UTP20: variants seen among roughly 807,000 people sequenced by gnomAD.
UTP20 encodes the protein small subunit processome component 20 homolog.
Under a neutral mutation model 329.5 loss-of-function variants are expected in UTP20, and 164 were observed. That is an observed-to-expected ratio of 0.50 (90% CI 0.44 to 0.57). The LOEUF is 0.57. UTP20 is among the 20% of genes least tolerant of loss of function. UTP20 has a pLI of 0.00. For missense variants in UTP20, 3,055 were observed against 3,284.2 expected, an observed-to-expected ratio of 0.93 and a Z score of 1.71; for synonymous variants, 1,151 against 1,159.3, an observed-to-expected ratio of 0.99 and a Z score of 0.14.
At chr12:101,324,438 C>T (rs1868489154) in intron 25 of UTP20, among the ~76,000 whole-genome samples, 1 of 151,868 alleles carries the variant, frequency 6.6e-6, no homozygotes, top group African/African-American at 2.4e-5. Flanking sequence ...GGAGTTTCAC[C>T]AGCTGAAAAT....
In UTP20 at chr12:101,312,226, A is replaced by G; in HGVS notation, c.2502A>G (p.Arg834=). The part of the protein sequence containing the change: ...LWRALTKFPE[R]VEPRSRELSP... ...GAGCTCTGACCAAATTCCCAGAAAG[A>G]GTAGAGCCACGGTCCAGGGAGCTTT... The change falls in exon 21 of 62, where the codon AGA becomes AGG. Residue 834 remains arginine, a synonymous_variant. Transcript: ENST00000261637. The G allele has an allele frequency of 6.2e-7, 1 of 1,614,198 alleles. No homozygotes were observed. Among genetic ancestry groups the G allele is most frequent in the Non-Finnish European group, 8.5e-7 (1 of 1,180,032 alleles).
chr12:101,345,492 C>T, intron 36 of UTP20, 62 bp from the exon 37 acceptor site: 6 of 1,064,544 alleles, frequency 5.6e-6, no homozygotes, highest in South Asian at 4.5e-5. Context: ...TTTTCTGTTT[C>T]CTCATATTAG....
At chr12:101,298,009 T>C (rs1212647199) in intron 12 of UTP20, among the ~76,000 whole-genome samples, 1 of 152,180 alleles carries the variant, frequency 6.6e-6, no homozygotes, top group Non-Finnish European at 1.5e-5. Flanking sequence ...TTGTTTTGAT[T>C]CCTTCTATGA....
intron 41 of UTP20, 146 bp from the exon 42 acceptor site, chr12:101,356,408 G>A (rs1869722509): frequency 7.6e-6 from 6 of 793,316 alleles, no homozygotes; most frequent in South Asian, 6.4e-5. Flanking sequence ...TTCCAGGCAT[G>A]AGCCACCGCA....
chr12:101,340,139 T>C (rs1268345508), intron 31 of UTP20, among the ~76,000 whole-genome samples: 2 of 152,206 alleles, frequency 1.3e-5, no homozygotes, highest in African/African-American at 2.4e-5. Flanking sequence ...AGGGCTATCA[T>C]GGGTGTTAAA....
intron 60 of UTP20, 141 bp from the exon 61 acceptor site, chr12:101,385,442 T>G: frequency 1.1e-6 from 1 of 944,896 alleles, no homozygotes; most frequent in Admixed American, 2.6e-5. Flanking sequence ...CTGCAAGAGT[T>G]GAAATTTTGT....
In UTP20 at chr12:101,373,747, A is replaced by C. The variant is rs1430642569; in HGVS notation, c.7111A>C (p.Thr2371Pro). The C allele has an allele frequency of 2.5e-6, 4 of 1,611,258 alleles. No individual in the cohort carries two copies. The African/African-American group carries it at 4.0e-5, about 16-fold the overall frequency. Residue 2371 changes from threonine (T) to proline (P), a missense_variant, in exon 54 of 62, where the codon ACT (threonine) becomes CCT (proline). By Grantham distance (38) the Thr-to-Pro change is conservative. Transcript: ENST00000261637. The part of the protein sequence containing the change: ...KKDWLFDMVT[T>P]WFGAKKRLNR... ...AGATTGGCTGTTTGATATGGTTACCACTTGGTTTGGAGCAAAAAAGGTGTG... is the reference window on the plus strand; with the variant it reads ...AGATTGGCTGTTTGATATGGTTACCCCTTGGTTTGGAGCAAAAAAGGTGTG...
At chr12:101,305,767 T>A in intron 15 of UTP20, 148 bp from the exon 16 acceptor site, 1 of 885,994 alleles carries the variant, frequency 1.1e-6, no homozygotes, top group Non-Finnish European at 1.6e-6. Context: ...ATTCTTCATC[T>A]ATGAAGTGAG....
intron 59 of UTP20, 88 bp from the exon 60 acceptor site, chr12:101,383,455 T>C (rs1870721368): frequency 1.3e-6 from 2 of 1,534,504 alleles, no homozygotes; most frequent in African/African-American, 1.4e-5. Flanking sequence ...CAAAATAGAC[T>C]GAGCCCTGTT....
chr12:101,299,015 A>G (rs1872445894), intron 12 of UTP20, among the ~76,000 whole-genome samples: 1 of 152,122 alleles, frequency 6.6e-6, no homozygotes, highest in South Asian at 2.1e-4. Context: ...TAATTGTAAA[A>G]CAGATCATTT....
intron 22 of UTP20, among the ~76,000 whole-genome samples, chr12:101,318,111 T>C (rs915484427): frequency 4.6e-5 from 7 of 152,218 alleles, no homozygotes; most frequent in Non-Finnish European, 1.0e-4. Context: ...TGTTAGCACT[T>C]TTCTCTGCCT....
chr12:101,383,802 T>G (rs1030493516), intron 60 of UTP20, 133 bp downstream of exon 60: 1 of 306,096 alleles, frequency 3.3e-6, no homozygotes, highest in Admixed American at 6.1e-5. Flanking sequence ...ATATTTTAAT[T>G]ATATATTATA....
intron 24 of UTP20, 81 bp downstream of exon 24, chr12:101,321,018 T>C: frequency 7.9e-7 from 1 of 1,266,376 alleles, no homozygotes; most frequent in East Asian, 2.4e-5. Context: ...TCTAGAATAA[T>C]TTATTAAAGG....
intron 18 of UTP20, 115 bp from the exon 19 acceptor site, chr12:101,309,648 G>C (rs920450757): frequency 1.1e-6 from 1 of 933,840 alleles, no homozygotes; most frequent in Admixed American, 2.7e-5. Context: ...TTTTCTTATC[G>C]CACAGGCTTC....
chr12:101,377,577 G>A (rs1870516341), intron 56 of UTP20, among the ~76,000 whole-genome samples: 1 of 152,086 alleles, frequency 6.6e-6, no homozygotes, highest in Non-Finnish European at 1.5e-5. Context: ...TGATCCGCCT[G>A]CCTCGGCCTC....
intron 38 of UTP20, among the ~76,000 whole-genome samples, chr12:101,348,499 G>A (rs930373387): frequency 7.2e-5 from 11 of 151,962 alleles, no homozygotes; most frequent in African/African-American, 1.9e-4. Flanking sequence ...TTCACTTTAA[G>A]TAGTCAATTA....
chr12:101,329,214 G>C (rs373132588), intron 26 of UTP20, 27 bp from the exon 27 acceptor site: 33 of 1,587,320 alleles, frequency 2.1e-5, no homozygotes, highest in Non-Finnish European at 2.8e-5. Context: ...TACCTTACAT[G>C]ACCTCTCGTC....
Position 101,344,601 on chromosome 12 carries a change from G to T in UTP20, c.4456G>T (p.Asp1486Tyr). ...HNCFYNLELG[D>Y]MSLSDNASMC... is the part of the protein sequence containing the mutation. ...TTATTTCTCTTTTTTGCAGTTAGGAGATATGAGTTTAAGTGATAATGCCAG... is the reference window on the plus strand; with the variant it reads ...TTATTTCTCTTTTTTGCAGTTAGGATATATGAGTTTAAGTGATAATGCCAG... Residue 1486 changes from aspartate to tyrosine, a missense_variant, in exon 36 of 62, where the codon GAT (aspartate) becomes TAT (tyrosine). By Grantham distance (160) the Asp-to-Tyr change is radical. Transcript: ENST00000261637. 1 of 962,508 alleles carries T rather than the reference G, an allele frequency of 1.0e-6. No individual in the cohort carries two copies. The highest frequency in any genetic ancestry group is 1.7e-6 in the Non-Finnish European group (1 of 584,476). 59.6% of individuals were successfully genotyped at this position (962,508 alleles called of 1,614,324 possible).
intron 10 of UTP20, 60 bp from the exon 11 acceptor site, chr12:101,293,108 G>A: frequency 6.6e-7 from 1 of 1,523,782 alleles, no homozygotes; most frequent in East Asian, 2.3e-5. Context: ...GCTGCTTGCT[G>A]GGGGGATGGG....
Sources: gnomAD v4.1 joint callset for allele counts (sites outside exome capture counted in the v4.1 genomes callset) on GRCh38, gnomAD v4.1.1 for gene constraint, MANE v1.5 for transcripts, NCBI Gene and HGNC (gene_info 2026-07-23, HGNC 2026-07-21) for gene names.